The following GGT1 variants were observed in gnomAD, a reference collection of about 807,000 sequenced individuals.
The protein encoded by GGT1 is gamma-glutamyltransferase 1.
GGT1 carries 21 observed loss-of-function variants against 56.0 expected under a neutral mutation model. That is an observed-to-expected ratio of 0.38 (90% CI 0.27 to 0.54). The LOEUF (loss-of-function observed/expected upper bound fraction) is 0.54, where lower values mean the gene tolerates loss of function less well. Among genes scored for constraint, GGT1 ranks in the 20% least tolerant of loss-of-function variants. The pLI is 0.82. For missense variants in GGT1, 466 were observed against 787.0 expected, an observed-to-expected ratio of 0.59 and a Z score of 4.88; for synonymous variants, 238 against 342.6, an observed-to-expected ratio of 0.69 and a Z score of 3.37.
chr22:24,589,338 T>C, the GGT1 span: 1 of 1,155,262 alleles, frequency 8.7e-7, no homozygotes, highest in Non-Finnish European at 1.1e-6. Context: ...ACCCCAGCTG[T>C]TGTAGGGGAA....
chr22:24,618,602 A>C (rs2047213815), intron 7 of GGT1, among the ~76,000 whole-genome samples: 1 of 152,124 alleles, frequency 6.6e-6, no homozygotes, highest in South Asian at 2.1e-4. Flanking sequence ...AAAACAAACA[A>C]AGAAGAAAAA....
intron 7 of GGT1, among the ~76,000 whole-genome samples, chr22:24,616,614 G>A (rs1398568894): frequency 7.0e-6 from 1 of 143,140 alleles, no homozygotes; most frequent in African/African-American, 2.6e-5. Flanking sequence ...GCACGATCTC[G>A]GCTCACTGCA....
chr22:24,628,178 C>T lies in GGT1; in HGVS notation c.1434C>T (p.Thr478=), dbSNP rs2047911438. The change falls in exon 14 of 16, where the codon ACC becomes ACT. Residue 478 remains threonine, a synonymous_variant. Coordinates refer to ENST00000400382, the MANE Select transcript of GGT1 (RefSeq NM_001288833.2). This position sits in a 1 kb window ranked among gnomAD's most constrained non-coding sequence, Gnocchi z 5.7. ...VVGAAGGTQI[T]TATALAIIYN... Reference sequence around the variant, plus strand: ...GAGCTGCTGGGGGCACACAGATCACCACGGCCACTGCACTGGTATGTGTCA... The same window carrying T: ...GAGCTGCTGGGGGCACACAGATCACTACGGCCACTGCACTGGTATGTGTCA... The T allele has an allele frequency of 6.2e-7, 1 of 1,612,040 alleles. No individual in the cohort carries two copies. Among genetic ancestry groups the T allele is most frequent in the Non-Finnish European group, 8.5e-7 (1 of 1,179,858 alleles).
At chr22:24,602,741 C>G (rs2045805099), upstream of GGT1, among the ~76,000 whole-genome samples, 1 of 152,158 alleles carries the variant, frequency 6.6e-6, no homozygotes, top group Non-Finnish European at 1.5e-5. Context: ...CACCTGTAGT[C>G]CTGCAAGCTG....
At position 24,605,037 on chromosome 22, in the gene GGT1, A is replaced by AAATATGTAATATATTATATATTATATGT. The variant is rs2045953481; in HGVS notation, c.-429+1516_-429+1543dup. Among the ~76,000 whole-genome samples the AAATATGTAATATATTATATATTATATGT allele has an allele frequency of 4.0e-5, 2 of 50,042 alleles. 1 individual carries two copies. Among genetic ancestry groups the AAATATGTAATATATTATATATTATATGT allele is most frequent in the African/African-American group, 2.9e-4 (2 of 6,820 alleles). The allele number at this position is 50,042 out of a possible 152,430, so 32.8% of individuals were successfully genotyped here. The stretch of plus-strand genomic sequence containing the variant: ...ATCCTGTATGTCATATATATATATA[A>AAATATGTAATATATTATATATTATATGT]AATATGTAATATATTATATATTATA... On this transcript the variant is annotated intron_variant, in intron 1 of 15. Transcript: ENST00000400382.
chr22:24,593,827 G>T (rs1330036961), upstream of GGT1, among the ~76,000 whole-genome samples: 4 of 152,070 alleles, frequency 2.6e-5, no homozygotes, highest in Non-Finnish European at 5.9e-5. Flanking sequence ...TCTGCAGCTG[G>T]CAGTTGTGGT....
upstream of GGT1, among the ~76,000 whole-genome samples, chr22:24,600,027 T>A (rs1046422734): frequency 2.0e-5 from 3 of 152,140 alleles, no homozygotes; most frequent in African/African-American, 7.2e-5. Context: ...TCCACCCCCA[T>A]CCCCTCCTTG....
the GGT1 span, chr22:24,585,665 A>G: frequency 1.7e-6 from 1 of 590,306 alleles, no homozygotes; most frequent in African/African-American, 1.9e-5. Context: ...CGGGGTCCAC[A>G]CTGTGGGTGC....
the GGT1 span, chr22:24,588,097 G>C: frequency 1.3e-6 from 1 of 792,410 alleles, no homozygotes; most frequent in Non-Finnish European, 2.1e-6. Flanking sequence ...TGCGGACCAG[G>C]TGAGGGCCTC....
Position 24,620,854 on chromosome 22 carries a change from G to A in GGT1, c.576-59G>A. The A allele has an allele frequency of 2.5e-6, 4 of 1,598,360 alleles. No homozygotes were observed. Among genetic ancestry groups the A allele is most frequent in the Non-Finnish European group, 3.4e-6 (4 of 1,172,268 alleles). On this transcript the variant is annotated intron_variant, in intron 8 of 15. Coordinates refer to ENST00000400382, the MANE Select transcript of GGT1 (RefSeq NM_001288833.2). The surrounding 1 kb of genome is among the most constrained non-coding windows in gnomAD (Gnocchi z 5.6). ...CGTTCTCCTGTGTGGACGGGTGTGA[G>A]GGGTGGTCTAGCTGAGTCCACCCCA... is the stretch of plus-strand genomic sequence containing the variant.
chr22:24,589,824 C>G, upstream of GGT1: 1 of 1,612,504 alleles, frequency 6.2e-7, no homozygotes, highest in Non-Finnish European at 8.5e-7. Flanking sequence ...GCCTCACCTT[C>G]TTGGGGCACT....
the GGT1 span, among the ~76,000 whole-genome samples, chr22:24,584,549 G>A: frequency 6.6e-6 from 1 of 152,170 alleles, no homozygotes; most frequent in Admixed American, 6.5e-5. Context: ...GGAATGTGCT[G>A]GAATCCATGC....
intron 5 of GGT1, among the ~76,000 whole-genome samples, chr22:24,613,420 C>A (rs1405622574): frequency 1.3e-5 from 2 of 152,084 alleles, no homozygotes; most frequent in East Asian, 1.9e-4. Context: ...CCTTTTTGTC[C>A]CAGTTATAAA....
At chr22:24,626,249 CTGGGATTACAGGCCTCGG>C in intron 11 of GGT1, among the ~76,000 whole-genome samples, 3 of 149,240 alleles carry the variant, frequency 2.0e-5, no homozygotes, top group Admixed American at 1.3e-4. Context: ...TCCCAAAGTG[CTGGGATTACAGGCCTCGG>C]CCTCCCAAAG....
At chr22:24,587,745 CCAA>C in the GGT1 span, among the ~76,000 whole-genome samples, 1 of 152,188 alleles carries the variant, frequency 6.6e-6, no homozygotes, top group African/African-American at 2.4e-5. Flanking sequence ...CAAAGAATTC[CCAA>C]CAAGGTACAG....
chr22:24,627,589 C>T lies in GGT1; in HGVS notation c.1178C>T (p.Ala393Val). The change falls in exon 12 of 16, where the codon GCT (alanine) becomes GTT (valine). Residue 393 changes from alanine (A) to valine (V), a missense_variant. Ala to Val is a moderately conservative substitution (Grantham distance 64). Transcript: ENST00000400382. ...TCTGTCGTCGCAGAGGACGGCAGTG[C>T]TGTGTCCGCCACCAGCACCATCAAC... ...HLSVVAEDGS[A>V]VSATSTINLY... 2.5e-6 allele frequency: 4 copies of T among 1,609,804 alleles called. No individual in the cohort carries two copies. Among genetic ancestry groups the T allele is most frequent in the Non-Finnish European group, 3.4e-6 (4 of 1,178,988 alleles).
chr22:24,590,709 A>G (rs2045544946), upstream of GGT1, among the ~76,000 whole-genome samples: 3 of 152,074 alleles, frequency 2.0e-5, no homozygotes, highest in Non-Finnish European at 4.4e-5. Context: ...CTGTTTGCGG[A>G]CAGGTATGGA....
intron 5 of GGT1, among the ~76,000 whole-genome samples, chr22:24,614,523 G>C (rs1315770289): frequency 6.6e-6 from 1 of 150,444 alleles, no homozygotes; most frequent in East Asian, 1.9e-4. Context: ...GGCTGAGGCA[G>C]GAGAATGGCT....
Position 24,628,495 on chromosome 22 carries a change from A to G in GGT1, c.1563+107A>G. 1 of 1,416,352 alleles carries G rather than the reference A, an allele frequency of 7.1e-7. No homozygotes were observed. Among genetic ancestry groups the G allele is most frequent in the Non-Finnish European group, 9.7e-7 (1 of 1,026,338 alleles). 87.7% of individuals were successfully genotyped at this position (1,416,352 alleles called of 1,614,324 possible). ...GGACAATGGTTGGTGTCCTCTCTCTAGTGCCTGGGCCATCTGGAGCCCCTG... is the reference window on the plus strand; with the variant it reads ...GGACAATGGTTGGTGTCCTCTCTCTGGTGCCTGGGCCATCTGGAGCCCCTG... On this transcript the variant is annotated intron_variant, in intron 15 of 15. Coordinates refer to ENST00000400382, the MANE Select transcript of GGT1 (RefSeq NM_001288833.2). The surrounding 1 kb of genome is among the most constrained non-coding windows in gnomAD (Gnocchi z 5.7).
Sources: gnomAD v4.1 joint callset for allele counts (sites outside exome capture counted in the v4.1 genomes callset) on GRCh38, gnomAD v4.1.1 for gene constraint, Gnocchi (gnomAD v3.1) non-coding constraint, MANE v1.5 for transcripts, NCBI Gene and HGNC (gene_info 2026-07-23, HGNC 2026-07-21) for gene names.